ONECUT2: variants seen among roughly 807,000 people sequenced by gnomAD.
ONECUT2 encodes one cut homeobox 2, also known as one cut domain family member 2.
Under a neutral mutation model 27.9 loss-of-function variants are expected in ONECUT2, and 10 were observed. The ratio of observed to expected loss-of-function variants is 0.36; its 90% CI spans 0.22 to 0.61. ONECUT2 has a LOEUF of 0.61. Among genes scored for constraint, ONECUT2 ranks in the 20% least tolerant of loss-of-function variants. ONECUT2 has a pLI of 0.73. For synonymous variants in ONECUT2, 334 were observed against 315.1 expected (o/e 1.06, Z -0.64); for missense variants, 686 against 721.0 (o/e 0.95, Z 0.56).
chr18:57,468,408 CT>C (rs1179681151), intron 1 of ONECUT2, among the ~76,000 whole-genome samples: 1 of 152,208 alleles, frequency 6.6e-6, no homozygotes, highest in Non-Finnish European at 1.5e-5. Context: ...GTTCATGGTA[CT>C]GGCTCCATGG....
chr18:57,457,624 C>T (rs1013486629), intron 1 of ONECUT2, among the ~76,000 whole-genome samples: 3 of 152,180 alleles, frequency 2.0e-5, no homozygotes, highest in Non-Finnish European at 4.4e-5. Flanking sequence ...TGAATAGCCA[C>T]TGTACTCCAG....
rs776516343 is a variant in ONECUT2 at position 57,436,442 on chromosome 18, G to A, written c.726G>A (p.Ala242=). 76 of 1,612,554 alleles carry A rather than the reference G, an allele frequency of 4.7e-5. No individual in the cohort carries two copies. The Admixed American group carries it at 1.3e-3, about 27-fold the overall frequency. The change falls in exon 1 of 2, where the codon GCG becomes GCA. Residue 242 remains alanine, a synonymous_variant. Coordinates refer to ENST00000491143, the MANE Select transcript of ONECUT2 (RefSeq NM_004852.3). The surrounding 1 kb of genome is among the most constrained non-coding windows in gnomAD (Gnocchi z 5.9). ...ACGGGCTAGGCGGCCTCCACAACGC[G>A]CAGCAGAGTCTGCCCAACTACGGTC... ...LGNGLGGLHN[A]QQSLPNYGPP...
In ONECUT2 at chr18:57,479,597, A is replaced by G. The variant is rs2050404911; in HGVS notation, c.*2874A>G. 1 of 152,766 alleles carries G rather than the reference A, an allele frequency of 6.5e-6. No individual in the cohort carries two copies. 9.5% of individuals were successfully genotyped at this position (152,766 alleles called of 1,614,324 possible). On this transcript the variant is annotated 3_prime_UTR_variant, in exon 2 of 2. Transcript: ENST00000491143. ...ATTTTAGCATTTAACCTGTTGATAA[A>G]TGGATCCATGGTGTACATGAGTTTT...
intron 1 of ONECUT2, among the ~76,000 whole-genome samples, chr18:57,447,575 G>T (rs1325562904): frequency 2.0e-5 from 3 of 152,138 alleles, no homozygotes; most frequent in African/African-American, 7.2e-5. Flanking sequence ...GCGGGGGATT[G>T]AACTATTTTT....
chr18:57,444,499 G>T, intron 1 of ONECUT2: 1 of 453,926 alleles, frequency 2.2e-6, no homozygotes, highest in Non-Finnish European at 4.4e-6. Flanking sequence ...CCACCCCAGT[G>T]CCCTTGAGCA....
intron 1 of ONECUT2, chr18:57,467,125 A>T (rs896083735): frequency 2.2e-5 from 10 of 455,832 alleles, no homozygotes; most frequent in Non-Finnish European, 4.0e-5. Context: ...TTGAAAGTAA[A>T]AATAGAGACA....
At chr18:57,438,113 A>G (rs1029243572) in intron 1 of ONECUT2, among the ~76,000 whole-genome samples, 1 of 152,200 alleles carries the variant, frequency 6.6e-6, no homozygotes, top group African/African-American at 2.4e-5. Flanking sequence ...AGCTAGAGGG[A>G]AAGATGCAGT....
chr18:57,445,434 T>C (rs2050196335), intron 1 of ONECUT2, among the ~76,000 whole-genome samples: 2 of 152,224 alleles, frequency 1.3e-5, no homozygotes, highest in African/African-American at 2.4e-5. Context: ...TCCAGAACCA[T>C]CGGCACAATC....
rs759271615 is a variant in ONECUT2 at position 57,436,175 on chromosome 18, G to A, written c.459G>A (p.Pro153=). 6 of 1,605,656 alleles carry A rather than the reference G, an allele frequency of 3.7e-6. No homozygotes were observed. Among genetic ancestry groups the A allele is most frequent in the African/African-American group, 2.7e-5 (2 of 74,820 alleles). Reference sequence around the variant, plus strand: ...GCAACACCTACACCACGCTGACACCGCTCCAGCCGCTGCCACCCATCTCCA... The same window carrying A: ...GCAACACCTACACCACGCTGACACCACTCCAGCCGCTGCCACCCATCTCCA... ...GMSNTYTTLT[P]LQPLPPISTV... is the part of the protein sequence containing the mutation. Residue 153 remains proline, a synonymous_variant, in exon 1 of 2, where the codon CCG becomes CCA. Transcript: ENST00000491143. This position sits in a 1 kb window ranked among gnomAD's most constrained non-coding sequence, Gnocchi z 5.9.
intron 1 of ONECUT2, among the ~76,000 whole-genome samples, chr18:57,442,527 G>A (rs374512214): frequency 3.3e-5 from 5 of 152,216 alleles, no homozygotes; most frequent in African/African-American, 1.2e-4. Flanking sequence ...GTCAGAAAGT[G>A]CCCTACCGGA....
chr18:57,436,072 A>G lies in ONECUT2; in HGVS notation c.356A>G (p.Tyr119Cys). 2 of 1,596,830 alleles carry G rather than the reference A, an allele frequency of 1.3e-6. No homozygotes were observed. Among genetic ancestry groups the G allele is most frequent in the Non-Finnish European group, 1.7e-6 (2 of 1,178,052 alleles). ...GCCTCGATCCTGGACGGCGGCGACT[A>G]CCGGCCCGAGCTCTCCATCCCGCTG... ...SMASILDGGD[Y>C]RPELSIPLHH... The change falls in exon 1 of 2, where the codon TAC (tyrosine) becomes TGC (cysteine). Residue 119 changes from tyrosine (Y) to cysteine (C), a missense_variant. This residue lies in a region of ONECUT2 where 511 missense variants were observed against 488.1 expected (regional missense o/e 1.05). Transcript: ENST00000491143. The surrounding 1 kb of genome is among the most constrained non-coding windows in gnomAD (Gnocchi z 5.9).
rs548933137 is a variant in ONECUT2, at chr18:57,458,469, G to A, written c.1229-17968G>A. Among the ~76,000 whole-genome samples, 49 of 152,272 alleles carry A rather than the reference G, an allele frequency of 3.2e-4. 1 individual carries two copies. In the South Asian group the frequency reaches 9.3e-3, roughly 29 times the overall value. On this transcript the variant is annotated intron_variant, in intron 1 of 1. Transcript: ENST00000491143. Reference sequence around the variant, plus strand: ...TTTGCGTATTGTTTTCACATAAGTGGCATCACACTGCATGCATCATTCCAA... The same window carrying A: ...TTTGCGTATTGTTTTCACATAAGTGACATCACACTGCATGCATCATTCCAA...
chr18:57,446,977 A>G (rs1477897163), intron 1 of ONECUT2, among the ~76,000 whole-genome samples: 1 of 152,198 alleles, frequency 6.6e-6, no homozygotes, highest in African/African-American at 2.4e-5. Context: ...AATATTGTAC[A>G]AAGGAGAGAG....
intron 1 of ONECUT2, among the ~76,000 whole-genome samples, chr18:57,469,211 C>T (rs2050340401): frequency 6.6e-6 from 1 of 152,086 alleles, no homozygotes; most frequent in African/African-American, 2.4e-5. Context: ...CCACTTTGCA[C>T]AAGCCTTCCT....
chr18:57,467,927 T>C (rs548219630), intron 1 of ONECUT2, among the ~76,000 whole-genome samples: 1 of 152,320 alleles, frequency 6.6e-6, no homozygotes, highest in Admixed American at 6.5e-5. Context: ...CCCTCCTGTC[T>C]CCTTTTTCCT....
In ONECUT2 at chr18:57,436,803, C is replaced by T; in HGVS notation, c.1087C>T (p.Arg363Trp). 1 of 1,614,014 alleles carries T rather than the reference C, an allele frequency of 6.2e-7. No homozygotes were observed. The highest frequency in any genetic ancestry group is 8.5e-7 in the Non-Finnish European group (1 of 1,180,042). The stretch of plus-strand genomic sequence containing the variant: ...GATCTTTGCGCAGAGGGTGCTGTGC[C>T]GGTCTCAGGGGACTCTCTCCGACCT... Reference protein sequence around the residue: ...QAIFAQRVLCRSQGTLSDLLR... With the variant: ...QAIFAQRVLCWSQGTLSDLLR... The change falls in exon 1 of 2, where the codon CGG becomes TGG. Residue 363 changes from arginine (R) to tryptophan (W), a missense_variant. Arg to Trp is a moderately radical substitution (Grantham distance 101, BLOSUM62 -3). Coordinates refer to ENST00000491143, the MANE Select transcript of ONECUT2 (RefSeq NM_004852.3). The surrounding 1 kb of genome is among the most constrained non-coding windows in gnomAD (Gnocchi z 5.9).
chr18:57,448,129 A>G, intron 1 of ONECUT2, among the ~76,000 whole-genome samples: 1 of 152,128 alleles, frequency 6.6e-6, no homozygotes, highest in Non-Finnish European at 1.5e-5. Flanking sequence ...ATTGAGCACA[A>G]CTCACATCTC....
chr18:57,460,041 G>T (rs2050281596), intron 1 of ONECUT2, among the ~76,000 whole-genome samples: 1 of 152,174 alleles, frequency 6.6e-6, no homozygotes, highest in Admixed American at 6.5e-5. Context: ...TCCTACAAAA[G>T]CTTCCCAAGC....
chr18:57,454,477 C>T (rs1424547365), intron 1 of ONECUT2, among the ~76,000 whole-genome samples: 2 of 152,156 alleles, frequency 1.3e-5, no homozygotes, highest in South Asian at 2.1e-4. Flanking sequence ...GGGGACGACT[C>T]TTGAAGAGCC....
Sources: allele counts gnomAD v4.1 joint callset (sites outside exome capture counted in the v4.1 genomes callset), GRCh38; gene constraint gnomAD v4.1.1; regional missense constraint gnomAD v4.1.1; non-coding constraint Gnocchi (gnomAD v3.1); transcripts MANE v1.5; gene names NCBI Gene and HGNC (gene_info 2026-07-23, HGNC 2026-07-21).